The following ROS1 variants were observed in gnomAD, a reference collection of about 807,000 sequenced individuals.
ROS1 encodes the protein ROS proto-oncogene 1, receptor tyrosine kinase.
Under a neutral mutation model 273.5 loss-of-function variants are expected in ROS1, and 263 were observed. The observed-to-expected ratio is 0.96, with a 90% CI of 0.87 to 1.06. The LOEUF is 1.06. Ranked by LOEUF, ROS1 falls within the 50% of genes least tolerant of loss-of-function variation. The pLI is 0.00. For synonymous variants in ROS1, 1,008 were observed against 954.1 expected, an observed-to-expected ratio of 1.06 and a Z score of -1.04; for missense variants, 2,833 against 2,751.1, an observed-to-expected ratio of 1.03 and a Z score of -0.67.
At chr6:117,335,551 G>A (rs188328119) in intron 32 of ROS1, among the ~76,000 whole-genome samples, 5 of 152,204 alleles carry the variant, frequency 3.3e-5, no homozygotes, top group Admixed American at 3.3e-4. Flanking sequence ...TATGTTTACT[G>A]CAGCACTGTT....
At chr6:117,404,543 A>G in intron 5 of ROS1, 115 bp from the exon 6 acceptor site, 1 of 843,306 alleles carries the variant, frequency 1.2e-6, no homozygotes, top group Non-Finnish European at 1.8e-6. Flanking sequence ...GCATCTTGCC[A>G]CAATAACTCA....
intron 18 of ROS1, among the ~76,000 whole-genome samples, chr6:117,369,160 C>T (rs1331726748): frequency 6.6e-6 from 1 of 151,858 alleles, no homozygotes; most frequent in African/African-American, 2.4e-5. Context: ...TTCTTTTTTT[C>T]CTGATAGGTT....
intron 32 of ROS1, among the ~76,000 whole-genome samples, chr6:117,331,028 T>C (rs1285759863): frequency 6.6e-6 from 1 of 151,996 alleles, no homozygotes; most frequent in Non-Finnish European, 1.5e-5. Context: ...ACAAGATGGG[T>C]AGAAAAAACT....
In ROS1 at chr6:117,359,901, C is replaced by T. The variant is rs377528980; in HGVS notation, c.3541G>A (p.Ala1181Thr). 309 of 1,613,778 alleles carry T rather than the reference C, an allele frequency of 1.9e-4. 8 individuals carry two copies. In the South Asian group the frequency reaches 2.2e-3, roughly 11 times the overall value. ...WTFSAERVIS[A>T]VCYTADNEMG... ...TCATTATCAGCTGTGTAGCAAACGG[C>T]ACTGATAACTCTTTCTGCTGAAAAC... Residue 1181 changes from alanine (A) to threonine (T), a missense_variant, in exon 24 of 44, where the codon GCC (alanine) becomes ACC (threonine). Physicochemically the swap from Ala to Thr is moderately conservative, Grantham distance 58. Coordinates refer to ENST00000368507, the MANE Select transcript of ROS1 (RefSeq NM_001378902.1).
rs763000911 is a variant in ROS1, at chr6:117,365,026, T to G, written c.3103+34A>C. ...GATCATGAAAAGTGAGATTCTGCTT[T>G]TTTAAGAAAAAAGACAGATTTTAAC... On this transcript the variant is annotated intron_variant, in intron 21 of 43. Transcript: ENST00000368507. The G allele has an allele frequency of 5.6e-6, 9 of 1,600,184 alleles. No homozygotes were observed. The South Asian group carries it at 9.0e-5, about 16-fold the overall frequency.
intron 33 of ROS1, among the ~76,000 whole-genome samples, chr6:117,327,140 G>T (rs560623340): frequency 6.6e-6 from 1 of 152,168 alleles, no homozygotes. Flanking sequence ...CCAATCCACG[G>T]TAAGCTTAGG....
chr6:117,381,246 C>T (rs538748716), intron 17 of ROS1, among the ~76,000 whole-genome samples: 72 of 142,138 alleles, frequency 5.1e-4, no homozygotes, highest in African/African-American at 1.7e-3. Context: ...TTTTTAACTT[C>T]AATAGCTTTT....
intron 18 of ROS1, among the ~76,000 whole-genome samples, chr6:117,375,920 A>T (rs1472663381): frequency 6.6e-6 from 1 of 152,168 alleles, no homozygotes; most frequent in Admixed American, 6.5e-5. Flanking sequence ...ACCTTGAAAG[A>T]AACTCATAGT....
intron 31 of ROS1, among the ~76,000 whole-genome samples, chr6:117,340,050 C>A (rs1223067345): frequency 2.6e-5 from 4 of 152,098 alleles, no homozygotes; most frequent in Non-Finnish European, 5.9e-5. Context: ...AACTTTACAT[C>A]CTTCCTCTTG....
rs750566587 is a variant in ROS1, at chr6:117,365,105, C to T, written c.3058G>A (p.Gly1020Arg). 6 of 1,613,722 alleles carry T rather than the reference C, an allele frequency of 3.7e-6. No homozygotes were observed. The highest frequency in any genetic ancestry group is 1.7e-6 in the Non-Finnish European group (2 of 1,179,756). ...GACAGAGATGTTTTGGGGCCCTTTC[C>T]CCAGTAGGTATAAGGAGTGACAGAA... ...NLSVTPYTYW[G>R]KGPKTSLSLR... The change falls in exon 21 of 44, where the codon GGA becomes AGA. Residue 1020 changes from glycine to arginine, a missense_variant. Gly to Arg is a moderately radical substitution (Grantham distance 125). Coordinates refer to ENST00000368507, the MANE Select transcript of ROS1 (RefSeq NM_001378902.1).
chr6:117,360,122 C>T (rs1400155359), intron 23 of ROS1, 111 bp from the exon 24 acceptor site: 12 of 844,698 alleles, frequency 1.4e-5, no homozygotes, highest in Admixed American at 2.4e-5. Flanking sequence ...CCTTTGGTTC[C>T]TCTAATAGAT....
intron 31 of ROS1, among the ~76,000 whole-genome samples, chr6:117,337,644 G>A (rs1777578370): frequency 6.6e-6 from 1 of 152,072 alleles, no homozygotes; most frequent in South Asian, 2.1e-4. Flanking sequence ...CCAAAGGGTA[G>A]ATACCTACAT....
intron 9 of ROS1, among the ~76,000 whole-genome samples, chr6:117,394,939 C>T (rs540140083): frequency 1.3e-5 from 2 of 152,288 alleles, no homozygotes; most frequent in South Asian, 4.1e-4. Context: ...AGTACAGTAA[C>T]AATCAAATAG....
intron 12 of ROS1, among the ~76,000 whole-genome samples, chr6:117,390,375 C>T (rs1772971965): frequency 6.6e-6 from 1 of 151,940 alleles, no homozygotes; most frequent in South Asian, 2.1e-4. Flanking sequence ...GATCTGCACA[C>T]CTTGGCTTCC....
chr6:117,308,489 A>T (rs565832842), intron 42 of ROS1, among the ~76,000 whole-genome samples: 37 of 152,066 alleles, frequency 2.4e-4, no homozygotes, highest in African/African-American at 2.4e-4. Context: ...TCTCTCTCAC[A>T]CACACACACA....
intron 31 of ROS1, among the ~76,000 whole-genome samples, chr6:117,339,483 G>A (rs1777748179): frequency 6.6e-6 from 1 of 152,106 alleles, no homozygotes; most frequent in Non-Finnish European, 1.5e-5. Flanking sequence ...ACTCCTCAGA[G>A]TTTCAGTATG....
In ROS1 at chr6:117,288,540, C is replaced by T. The variant is rs1020009969; in HGVS notation, c.6978G>A (p.Leu2326=). ...CACTGTGAGTGAGACAGGCATAGTT[C>T]AGGCCTTCAGGCTTGCCAGAAGGGC... ...AYCPSGKPEG[L]NYACLTHSGY... The change falls in exon 44 of 44, where the codon CTG becomes CTA. Residue 2326 remains leucine (L), a synonymous_variant. Transcript: ENST00000368507. The T allele has an allele frequency of 1.2e-6, 2 of 1,614,072 alleles. No individual in the cohort carries two copies. Among genetic ancestry groups the T allele is most frequent in the African/African-American group, 1.3e-5 (1 of 74,944 alleles).
intron 33 of ROS1, among the ~76,000 whole-genome samples, chr6:117,327,841 G>A (rs908378788): frequency 4.6e-5 from 7 of 152,150 alleles, no homozygotes; most frequent in Non-Finnish European, 8.8e-5. Context: ...TAAGAAGAGG[G>A]AAATTTGGAC....
At chr6:117,336,995 T>C (rs1051281023) in intron 32 of ROS1, among the ~76,000 whole-genome samples, 177 bp downstream of exon 32, 1 of 152,130 alleles carries the variant, frequency 6.6e-6, no homozygotes, top group Non-Finnish European at 1.5e-5. Flanking sequence ...GCCAGTATTA[T>C]TTCATTACTG....
Sources: allele counts gnomAD v4.1 joint callset (sites outside exome capture counted in the v4.1 genomes callset), GRCh38; gene constraint gnomAD v4.1.1; transcripts MANE v1.5; gene names NCBI Gene and HGNC (gene_info 2026-07-23, HGNC 2026-07-21).